The following C12orf76 variants were observed in gnomAD, a reference collection of about 807,000 sequenced individuals.
The protein encoded by C12orf76 is uncharacterized protein C12orf76.
C12orf76 carries 6 observed loss-of-function variants against 6.8 expected under a neutral mutation model. The ratio of observed to expected loss-of-function variants is 0.88; its 90% CI spans 0.48 to 1.73. C12orf76 has a LOEUF of 1.73. Ranked by LOEUF, C12orf76 falls within the 40% of genes most tolerant of loss-of-function variation. The pLI, the probability that C12orf76 is intolerant of heterozygous loss-of-function variation, is 0.01. For synonymous variants in C12orf76, 56 were observed against 43.7 expected, an observed-to-expected ratio of 1.28 and a Z score of -1.11; for missense variants, 99 against 98.2, an observed-to-expected ratio of 1.01 and a Z score of -0.03.
At chr12:110,073,358 C>A in intron 1 of C12orf76, 2 of 497,404 alleles carry the variant, frequency 4.0e-6, no homozygotes, top group East Asian at 5.8e-5. Context: ...TGAAGCTGCC[C>A]CCTGGGGCTT....
intron 1 of C12orf76, among the ~76,000 whole-genome samples, chr12:110,045,001 A>C (rs1389886211): frequency 6.6e-6 from 1 of 152,132 alleles, no homozygotes; most frequent in African/African-American, 2.4e-5. Flanking sequence ...AAGAAAAGAA[A>C]ATTCATCTTT....
Position 110,048,353 on chromosome 12 carries a change from G to A in C12orf76, c.133+10C>T. On this transcript the variant is annotated intron_variant, in intron 1 of 1. Coordinates refer to ENST00000615315, the MANE Select transcript of C12orf76 (RefSeq NM_001389625.1). ...ACTACCCGCCGCCCGCCAGCCCGAG[G>A]GCCGCTCACCCAGGTTCTGCCCTCG... is the stretch of plus-strand genomic sequence containing the variant. 6.7e-7 allele frequency: 1 copy of A among 1,495,850 alleles called. No individual in the cohort carries two copies. The allele number at this position is 1,495,850 out of a possible 1,614,324, so 92.7% of individuals were successfully genotyped here.
chr12:110,042,886 C>T (rs773475391), intron 1 of C12orf76, among the ~76,000 whole-genome samples: 2 of 151,704 alleles, frequency 1.3e-5, no homozygotes, highest in African/African-American at 4.8e-5. Flanking sequence ...GGTGAAACCC[C>T]GTCTCTACTA....
chr12:110,059,202 G>C (rs1480961928), intron 2 of C12orf76: 1 of 1,531,178 alleles, frequency 6.5e-7, no homozygotes, highest in South Asian at 1.2e-5. Flanking sequence ...ATTAATTTTT[G>C]TGTGTTGATC....
intron 1 of C12orf76, 82 bp downstream of exon 1, chr12:110,048,281 C>T: frequency 7.1e-7 from 1 of 1,406,848 alleles, no homozygotes; most frequent in South Asian, 1.5e-5. Flanking sequence ...CCCCTGTCCG[C>T]TCCGTACATG....
At chr12:110,057,364 T>G in intron 3 of C12orf76, 1 of 1,025,396 alleles carries the variant, frequency 9.8e-7, no homozygotes, top group Non-Finnish European at 1.5e-6. Context: ...TCATATCCCT[T>G]ACCTCATGAC....
upstream of C12orf76, among the ~76,000 whole-genome samples, chr12:110,068,577 A>G (rs934624690): frequency 2.6e-5 from 4 of 152,210 alleles, no homozygotes; most frequent in Admixed American, 1.3e-4. Flanking sequence ...TAAACCTGCA[A>G]CGCTAACTCC....
intron 2 of C12orf76, among the ~76,000 whole-genome samples, chr12:110,061,989 C>A (rs535224543): frequency 2.6e-5 from 4 of 151,116 alleles, no homozygotes; most frequent in East Asian, 4.0e-4. Flanking sequence ...TAGGGCCCAG[C>A]GTGGTGGCTC....
intron 1 of C12orf76, among the ~76,000 whole-genome samples, chr12:110,048,074 G>A (rs1429418829): frequency 2.6e-5 from 4 of 152,216 alleles, no homozygotes; most frequent in African/African-American, 9.7e-5. Context: ...GGTGGTGTGC[G>A]CCTGTAATCC....
chr12:110,072,332 T>C (rs994933891), upstream of C12orf76, among the ~76,000 whole-genome samples: 2 of 150,164 alleles, frequency 1.3e-5, no homozygotes, highest in African/African-American at 4.9e-5. Context: ...ACCGAAAACA[T>C]GCTAAGTGAA....
Position 110,042,354 on chromosome 12 carries a change from T to A in C12orf76, c.*20A>T, listed in dbSNP as rs749174511. 1 of 1,606,444 alleles carries A rather than the reference T, an allele frequency of 6.2e-7. No homozygotes were observed. Among genetic ancestry groups the A allele is most frequent in the Non-Finnish European group, 8.5e-7 (1 of 1,173,182 alleles). On this transcript the variant is annotated 3_prime_UTR_variant, in exon 2 of 2. Transcript: ENST00000615315. Reference sequence around the variant, plus strand: ...AACTTATCCTATTCCCAAATACTCATTGAAGAACTTGTCTGGCTGTCACCG... The same window carrying A: ...AACTTATCCTATTCCCAAATACTCAATGAAGAACTTGTCTGGCTGTCACCG...
intron 2 of C12orf76, among the ~76,000 whole-genome samples, chr12:110,064,256 G>A (rs1892824119): frequency 6.6e-6 from 1 of 152,222 alleles, no homozygotes. Flanking sequence ...GTATATGGAA[G>A]TGTTGCCTGG....
intron 2 of C12orf76, among the ~76,000 whole-genome samples, chr12:110,064,816 G>A (rs770497142): frequency 3.9e-5 from 6 of 152,112 alleles, no homozygotes; most frequent in Non-Finnish European, 8.8e-5. Context: ...TACCCAAGCA[G>A]GAGGGCTGAG....
chr12:110,070,141 G>A (rs555824096), upstream of C12orf76, among the ~76,000 whole-genome samples: 3 of 151,896 alleles, frequency 2.0e-5, no homozygotes, highest in African/African-American at 7.2e-5. Context: ...AGGAGGTTGA[G>A]GTGGGAAGAC....
chr12:110,042,394 TG>T lies in C12orf76; in HGVS notation c.198del (p.Tyr66Ter). 1 of 1,614,172 alleles carries T rather than the reference TG, an allele frequency of 6.2e-7. No homozygotes were observed. Among genetic ancestry groups the T allele is most frequent in the Non-Finnish European group, 8.5e-7 (1 of 1,179,988 alleles). On this transcript the variant is annotated frameshift_variant, in exon 2 of 2. Coordinates refer to ENST00000615315, the MANE Select transcript of C12orf76 (RefSeq NM_001389625.1). LOFTEE classifies it high-confidence loss of function. ...VTVILMAFCV[Y>X]KPIRRR ...GGCTGTCACCGACGCCGAATGGGCT[TG>T]TAGACACAAAATGCCATAAGGATGA... is the stretch of plus-strand genomic sequence containing the variant.
At position 110,058,217 on chromosome 12, in the gene C12orf76, C is replaced by T. The variant is rs989866462; in HGVS notation, n.556+771G>A. Among the ~76,000 whole-genome samples the T allele has an allele frequency of 2.6e-5, 4 of 152,108 alleles. No individual in the cohort carries two copies. In the East Asian group the frequency reaches 7.7e-4, roughly 29 times the overall value. ...TGATGTTACAAACGTGGCCACACTACAGGCTGCAGGCTGTTTTGTAACTTG... is the reference window on the plus strand; with the variant it reads ...TGATGTTACAAACGTGGCCACACTATAGGCTGCAGGCTGTTTTGTAACTTG... On this transcript the variant is annotated intron_variant and non_coding_transcript_variant, in intron 3 of 4. Transcript: ENST00000309050.
upstream of C12orf76, among the ~76,000 whole-genome samples, chr12:110,069,335 G>A (rs1055027051): frequency 1.3e-5 from 2 of 152,158 alleles, no homozygotes; most frequent in Non-Finnish European, 2.9e-5. Flanking sequence ...AGCTACCCGG[G>A]AGGCTGAGAC....
rs368820485 is a variant in C12orf76, at chr12:110,073,083, C to T, written n.213+339G>A. ...GTGACTCAAATGCCAGCCTGATCACCAGGAGTGCCCTGAGATCCTTGCCTC... is the reference window on the plus strand; with the variant it reads ...GTGACTCAAATGCCAGCCTGATCACTAGGAGTGCCCTGAGATCCTTGCCTC... On this transcript the variant is annotated intron_variant and non_coding_transcript_variant, in intron 1 of 1. Coordinates refer to the C12orf76 transcript ENST00000548936. Among the ~76,000 whole-genome samples the T allele has an allele frequency of 8.5e-5, 13 of 152,320 alleles. No individual in the cohort carries two copies. In the South Asian group the frequency reaches 2.3e-3, roughly 27 times the overall value.
At chr12:110,049,950 G>A (rs1433207238), upstream of C12orf76, 1 of 152,174 alleles carries the variant, frequency 6.6e-6, no homozygotes, top group East Asian at 1.9e-4. Flanking sequence ...ACCCTTTCAT[G>A]TGAAATCTTT....
Sources: allele counts gnomAD v4.1 joint callset (sites outside exome capture counted in the v4.1 genomes callset), GRCh38; gene constraint gnomAD v4.1.1; transcripts MANE v1.5; gene names NCBI Gene and HGNC (gene_info 2026-07-23, HGNC 2026-07-21).